Variants in CTNNA3 observed in about 807,000 individuals in gnomAD.
CTNNA3 encodes catenin alpha 3, also known as catenin alpha-3.
Under a neutral mutation model 95.7 loss-of-function variants are expected in CTNNA3, and 76 were observed. The ratio of observed to expected loss-of-function variants is 0.79; its 90% CI spans 0.66 to 0.96. The LOEUF is 0.96. Ranked by LOEUF, CTNNA3 falls within the 40% of genes least tolerant of loss-of-function variation. The pLI is 0.00. For missense variants in CTNNA3, 1,191 were observed against 1,089.8 expected (o/e 1.09, Z -1.31); for synonymous variants, 431 against 374.4 (o/e 1.15, Z -1.74).
intron 12 of CTNNA3, among the ~76,000 whole-genome samples, chr10:66,345,421 G>T (rs1415816270): frequency 6.6e-6 from 1 of 152,060 alleles, no homozygotes; most frequent in Admixed American, 6.5e-5. Context: ...ATCAGGCAGT[G>T]TGAATGGCTG....
intron 7 of CTNNA3, among the ~76,000 whole-genome samples, chr10:67,023,326 A>C (rs10822962): frequency 0.024 from 3,644 of 151,974 alleles, 161 homozygotes; most frequent in African/African-American, 0.082. Context: ...AGAATAAGAC[A>C]TTCCTCCATG....
At chr10:66,349,512 C>G (rs1283292810) in intron 12 of CTNNA3, among the ~76,000 whole-genome samples, 1 of 152,032 alleles carries the variant, frequency 6.6e-6, no homozygotes, top group Non-Finnish European at 1.5e-5. Context: ...AAATAAAGAG[C>G]TATCATCAGA....
chr10:66,316,428 AT>A (rs2092100597), intron 12 of CTNNA3, among the ~76,000 whole-genome samples: 1 of 151,946 alleles, frequency 6.6e-6, no homozygotes, highest in South Asian at 2.1e-4. Flanking sequence ...TAACTCATTA[AT>A]TTTTTAATTC....
intron 1 of CTNNA3, among the ~76,000 whole-genome samples, chr10:67,759,666 T>C (rs1841452728): frequency 6.6e-6 from 1 of 152,188 alleles, no homozygotes; most frequent in Non-Finnish European, 1.5e-5. Context: ...ATCACTTTGA[T>C]AACTGCATTC....
chr10:67,536,004 A>G (rs569256769), intron 4 of CTNNA3, among the ~76,000 whole-genome samples: 7 of 152,248 alleles, frequency 4.6e-5, no homozygotes, highest in African/African-American at 1.7e-4. Context: ...GCACCCAAGG[A>G]GTCCAAACAC....
intron 9 of CTNNA3, among the ~76,000 whole-genome samples, chr10:66,642,279 A>ACACAAAC (rs1554828894): frequency 1.6e-5 from 1 of 61,338 alleles, no homozygotes; most frequent in African/African-American, 5.4e-5. Context: ...CACACACACA[A>ACACAAAC]ACACACACAC....
chr10:67,381,126 A>T (rs2132730937), intron 5 of CTNNA3, among the ~76,000 whole-genome samples: 1 of 152,270 alleles, frequency 6.6e-6, no homozygotes, highest in East Asian at 1.9e-4. Flanking sequence ...TGAACTGAAG[A>T]TCATTAAAGT....
intron 12 of CTNNA3, among the ~76,000 whole-genome samples, chr10:66,296,678 T>C (rs2091784269): frequency 6.6e-6 from 1 of 151,778 alleles, no homozygotes; most frequent in African/African-American, 2.4e-5. Context: ...CTAGAAGAAA[T>C]TGTATACTGT....
Position 66,685,216 on chromosome 10 carries a change from T to TATATACACATATATATATAC in CTNNA3, c.1282-63433_1282-63432insGTATATATATATGTGTATAT, listed in dbSNP as rs1343881305. ...GTGTATATATATATACGTATATATA[T>TATATACACATATATATATAC]GTGTATATATATACGTATATATGTG... On this transcript the variant is annotated intron_variant, in intron 9 of 17. Transcript: ENST00000433211. 4.9e-5 allele frequency among the ~76,000 whole-genome samples: 7 copies of TATATACACATATATATATAC among 141,904 alleles called. No individual in the cohort carries two copies. The Admixed American group carries it at 5.1e-4, about 10-fold the overall frequency. 93.1% of individuals were successfully genotyped at this position (141,904 alleles called of 152,430 possible).
At chr10:66,269,642 T>A (rs2091234189) in intron 13 of CTNNA3, among the ~76,000 whole-genome samples, 1 of 152,136 alleles carries the variant, frequency 6.6e-6, no homozygotes, top group Non-Finnish European at 1.5e-5. Flanking sequence ...TATAGATAAT[T>A]TTGTGACTTT....
chr10:66,890,390 A>T (rs1297391493), intron 7 of CTNNA3, among the ~76,000 whole-genome samples: 1 of 151,852 alleles, frequency 6.6e-6, no homozygotes, highest in Non-Finnish European at 1.5e-5. Context: ...AAAAAAAAAT[A>T]GTAGCAAAGA....
At chr10:66,122,802 GC>G (rs935147009) in intron 13 of CTNNA3, among the ~76,000 whole-genome samples, 8 of 152,198 alleles carry the variant, frequency 5.3e-5, no homozygotes, top group African/African-American at 1.9e-4. Flanking sequence ...CAAAGAGAGA[GC>G]TTGTGCAGGG....
At chr10:66,484,237 A>C (rs1839646548) in intron 11 of CTNNA3, among the ~76,000 whole-genome samples, 1 of 151,902 alleles carries the variant, frequency 6.6e-6, no homozygotes, top group Admixed American at 6.6e-5. Flanking sequence ...AAAATATTTC[A>C]GTTTATTTTT....
intron 7 of CTNNA3, among the ~76,000 whole-genome samples, chr10:66,981,794 T>C (rs1421202583): frequency 6.6e-6 from 1 of 152,222 alleles, no homozygotes; most frequent in Non-Finnish European, 1.5e-5. Flanking sequence ...AACTACAGGT[T>C]CCTTCAACGA....
In CTNNA3 at chr10:66,447,410, C is replaced by A. The variant is rs1035022104; in HGVS notation, c.1532-68058G>T. ...GAAGAAAGCTGGAGGCATCACACTA[C>A]CTGACTTCAGACTATACTCCAAGGC... On this transcript the variant is annotated intron_variant, in intron 11 of 17. Coordinates refer to ENST00000433211, the MANE Select transcript of CTNNA3 (RefSeq NM_013266.4). 1.1e-4 allele frequency among the ~76,000 whole-genome samples: 14 copies of A among 125,134 alleles called. 3 individuals are homozygous for A. The highest frequency in any genetic ancestry group is 2.0e-4 in the Non-Finnish European group (12 of 60,554). 82.1% of individuals were successfully genotyped at this position (125,134 alleles called of 152,430 possible).
intron 10 of CTNNA3, among the ~76,000 whole-genome samples, chr10:66,616,762 C>G (rs532884677): frequency 6.6e-6 from 1 of 152,162 alleles, no homozygotes; most frequent in South Asian, 2.1e-4. Context: ...ACTTAACTGA[C>G]TCACTCTAAA....
intron 3 of CTNNA3, among the ~76,000 whole-genome samples, chr10:67,550,291 C>T (rs933961033): frequency 6.6e-6 from 1 of 152,098 alleles, no homozygotes; most frequent in African/African-American, 2.4e-5. Context: ...GAATACTCAG[C>T]CAGCTCTAAA....
At chr10:66,503,244 G>T (rs1840339360) in intron 11 of CTNNA3, among the ~76,000 whole-genome samples, 1 of 152,134 alleles carries the variant, frequency 6.6e-6, no homozygotes, top group African/African-American at 2.4e-5. Context: ...AGGATGCAGA[G>T]AGTTTTGTCT....
intron 5 of CTNNA3, among the ~76,000 whole-genome samples, chr10:67,487,274 A>G (rs1234255373): frequency 1.3e-5 from 2 of 152,214 alleles, no homozygotes; most frequent in African/African-American, 4.8e-5. Flanking sequence ...TGACAGTAAG[A>G]CATCCCCCTT....
Sources: gnomAD v4.1 joint callset for allele counts (sites outside exome capture counted in the v4.1 genomes callset) on GRCh38, gnomAD v4.1.1 for gene constraint, MANE v1.5 for transcripts, NCBI Gene and HGNC (gene_info 2026-07-23, HGNC 2026-07-21) for gene names.